The following RNF220 variants were observed in gnomAD, a reference collection of about 807,000 sequenced individuals.
The protein encoded by RNF220 is ring finger protein 220.
A neutral mutation model predicts 67.1 loss-of-function variants in RNF220; 7 were observed. That is an observed-to-expected ratio of 0.10 (90% CI 0.06 to 0.20). The LOEUF (loss-of-function observed/expected upper bound fraction) is 0.20. Ranked by LOEUF, RNF220 falls within the 10% of genes least tolerant of loss-of-function variation. The pLI, the probability that RNF220 is intolerant of heterozygous loss-of-function variation, is 1.00. For synonymous variants in RNF220, 270 were observed against 283.2 expected (o/e 0.95, Z 0.47); for missense variants, 565 against 740.3 (o/e 0.76, Z 2.75).
intron 2 of RNF220, among the ~76,000 whole-genome samples, chr1:44,542,027 G>A (rs1433307417): frequency 6.6e-6 from 1 of 152,136 alleles, no homozygotes; most frequent in Non-Finnish European, 1.5e-5. Context: ...TAAGCCTTTG[G>A]GGTCCTTTTC....
chr1:44,576,942 C>T (rs549377711), intron 2 of RNF220, among the ~76,000 whole-genome samples: 72 of 152,180 alleles, frequency 4.7e-4, no homozygotes, highest in African/African-American at 1.7e-3. Flanking sequence ...GGGTCAAAGA[C>T]GGAAACTGCA....
intron 2 of RNF220, among the ~76,000 whole-genome samples, chr1:44,560,859 C>A (rs1316197584): frequency 6.6e-6 from 1 of 152,052 alleles, no homozygotes; most frequent in Non-Finnish European, 1.5e-5. Context: ...CCACACCCAG[C>A]CTTCAGCCAG....
At chr1:44,439,416 A>G (rs191359215) in intron 2 of RNF220, among the ~76,000 whole-genome samples, 1 of 151,972 alleles carries the variant, frequency 6.6e-6, no homozygotes, top group African/African-American at 2.4e-5. Flanking sequence ...AGCTCTTTTT[A>G]ATAGGAAGGA....
chr1:44,455,748 A>G (rs1653113696), intron 2 of RNF220, among the ~76,000 whole-genome samples: 1 of 152,234 alleles, frequency 6.6e-6, no homozygotes, highest in Admixed American at 6.5e-5. Flanking sequence ...GGCACTGGAG[A>G]TAATCAACTA....
chr1:44,440,318 T>C (rs1010563354), intron 2 of RNF220, among the ~76,000 whole-genome samples: 1 of 152,104 alleles, frequency 6.6e-6, no homozygotes, highest in Non-Finnish European at 1.5e-5. Flanking sequence ...AAGAGCTTGA[T>C]GCATTCAGGG....
In RNF220 at chr1:44,520,963, A is replaced by G. The variant is rs553295632; in HGVS notation, c.626-93202A>G. Among the ~76,000 whole-genome samples, 5 of 152,294 alleles carry G rather than the reference A, an allele frequency of 3.3e-5. No individual in the cohort carries two copies. In the South Asian group the frequency reaches 8.3e-4, roughly 25 times the overall value. ...CAGGCTGGAGTGCAGTGGCGCAATC[A>G]TAGCTAGCTGTAACCTCAAACTCCT... is the stretch of plus-strand genomic sequence containing the variant. On this transcript the variant is annotated intron_variant, in intron 2 of 14. Transcript: ENST00000361799.
intron 8 of RNF220, among the ~76,000 whole-genome samples, chr1:44,640,199 G>A (rs1173719836): frequency 6.6e-6 from 1 of 152,284 alleles, no homozygotes; most frequent in Non-Finnish European, 1.5e-5. Flanking sequence ...CATAGGCCTT[G>A]CCCTAGCTGC....
At chr1:44,616,942 C>T (rs1000168428) in intron 3 of RNF220, among the ~76,000 whole-genome samples, 1 of 152,174 alleles carries the variant, frequency 6.6e-6, no homozygotes, top group African/African-American at 2.4e-5. Context: ...TCCACACCCC[C>T]ACCCATGACT....
At position 44,541,526 on chromosome 1, in the gene RNF220, C is replaced by T. The variant is rs764723771; in HGVS notation, c.626-72639C>T. Among the ~76,000 whole-genome samples the T allele has an allele frequency of 1.1e-4, 16 of 152,346 alleles. 1 individual carries two copies. Among genetic ancestry groups the T allele is most frequent in the Middle Eastern group, 6.8e-3 (2 of 294 alleles). ...TCACAACATTGTCAGTATTTATCAC[C>T]GTACCACATTGTCTCCTAAACTGGA... On this transcript the variant is annotated intron_variant, in intron 2 of 14. Coordinates refer to ENST00000361799, the MANE Select transcript of RNF220 (RefSeq NM_018150.4).
intron 2 of RNF220, among the ~76,000 whole-genome samples, chr1:44,469,241 T>C (rs2147985808): frequency 6.6e-6 from 1 of 152,316 alleles, no homozygotes. Flanking sequence ...TAACCAATTA[T>C]TAAGGTTGTT....
chr1:44,494,694 T>C (rs540863240), intron 2 of RNF220, among the ~76,000 whole-genome samples: 107 of 152,274 alleles, frequency 7.0e-4, no homozygotes, highest in African/African-American at 2.5e-3. Context: ...AAGAAACAGA[T>C]AAAATTGTTT....
chr1:44,602,782 AG>A (rs1334106150), intron 2 of RNF220, among the ~76,000 whole-genome samples: 2 of 151,974 alleles, frequency 1.3e-5, no homozygotes, highest in Non-Finnish European at 2.9e-5. Context: ...CTGAGTGAGC[AG>A]GAACCCCTGC....
rs1044604744 is a variant in RNF220, at chr1:44,606,009, G to T, written c.626-8156G>T. Among the ~76,000 whole-genome samples the T allele has an allele frequency of 6.6e-6, 1 of 151,760 alleles. No homozygotes were observed. Among genetic ancestry groups the T allele is most frequent in the Non-Finnish European group, 1.5e-5 (1 of 67,924 alleles). On this transcript the variant is annotated intron_variant, in intron 2 of 14. Transcript: ENST00000361799. This position sits in a 1 kb window ranked among gnomAD's most constrained non-coding sequence, Gnocchi z 4.2. ...CTAAATACATATCTCTCCCCTGCCC[G>T]CCCTACCCCTACCTCCTCAACCAGG...
In RNF220 at chr1:44,412,273, A is replaced by G. The variant is rs147312636; in HGVS notation, c.176A>G (p.His59Arg). 3.1e-6 allele frequency: 5 copies of G among 1,614,222 alleles called. No homozygotes were observed. In the African/African-American group the frequency reaches 6.7e-5, roughly 22 times the overall value. Residue 59 changes from histidine to arginine, a missense_variant, in exon 2 of 15, where the codon CAT (histidine) becomes CGT (arginine). Coordinates refer to ENST00000361799, the MANE Select transcript of RNF220 (RefSeq NM_018150.4). The surrounding 1 kb of genome is among the most constrained non-coding windows in gnomAD (Gnocchi z 5.3). ...GVPVSVDKDV[H>R]IPFTNGSYTF... ...CCTGTCTCAGTTGACAAGGACGTGCATATTCCTTTCACCAACGGTTCCTAT... is the reference window on the plus strand; with the variant it reads ...CCTGTCTCAGTTGACAAGGACGTGCGTATTCCTTTCACCAACGGTTCCTAT...
rs142851688 is a variant in RNF220 at position 44,583,882 on chromosome 1, G to C, written c.626-30283G>C. ...GAATTTCTGAATGGATGGATAAATG[G>C]TGGGGGCATAGACAAGTAGACAGCA... On this transcript the variant is annotated intron_variant, in intron 2 of 14. Coordinates refer to ENST00000361799, the MANE Select transcript of RNF220 (RefSeq NM_018150.4). Among the ~76,000 whole-genome samples the C allele has an allele frequency of 1.3e-3, 205 of 152,352 alleles. 1 individual carries two copies. The highest frequency in any genetic ancestry group is 4.8e-3 in the African/African-American group (198 of 41,582).
At chr1:44,556,661 G>A (rs1466655449) in intron 2 of RNF220, among the ~76,000 whole-genome samples, 4 of 151,756 alleles carry the variant, frequency 2.6e-5, no homozygotes, top group African/African-American at 9.7e-5. Context: ...CCGGGTTCAT[G>A]CCATTCTCCT....
chr1:44,462,638 G>A (rs535701674), intron 2 of RNF220, among the ~76,000 whole-genome samples: 1 of 152,112 alleles, frequency 6.6e-6, no homozygotes, highest in African/African-American at 2.4e-5. Flanking sequence ...GTCAACAATG[G>A]TAGAAAAAAG....
At chr1:44,534,898 C>T (rs1661083532) in intron 2 of RNF220, among the ~76,000 whole-genome samples, 1 of 152,108 alleles carries the variant, frequency 6.6e-6, no homozygotes, top group African/African-American at 2.4e-5. Flanking sequence ...AAGAACATAC[C>T]TGGAACAGAA....
chr1:44,531,561 C>T (rs1397076562), intron 2 of RNF220, among the ~76,000 whole-genome samples: 9 of 152,302 alleles, frequency 5.9e-5, no homozygotes, highest in Non-Finnish European at 2.9e-5. Flanking sequence ...TTCTCAGCAG[C>T]TAGCACAATG....
Sources: allele counts gnomAD v4.1 joint callset (sites outside exome capture counted in the v4.1 genomes callset), GRCh38; gene constraint gnomAD v4.1.1; non-coding constraint Gnocchi (gnomAD v3.1); transcripts MANE v1.5; gene names NCBI Gene and HGNC (gene_info 2026-07-23, HGNC 2026-07-21).